Variants in OR10J1 observed in about 807,000 individuals in gnomAD.
The protein encoded by OR10J1 is olfactory receptor 10J1.
For missense variants in OR10J1, 474 were observed against 376.6 expected, an observed-to-expected ratio of 1.26 and a Z score of -2.14; for synonymous variants, 202 against 143.8, an observed-to-expected ratio of 1.40 and a Z score of -2.89.
At chr1:159,425,337 C>T in the OR10J1 span, among the ~76,000 whole-genome samples, 2 of 151,826 alleles carry the variant, frequency 1.3e-5, no homozygotes, top group Non-Finnish European at 2.9e-5. Flanking sequence ...ATGCAGCAGT[C>T]CTAAAGAACA....
chr1:159,415,377 T>C, the OR10J1 span, among the ~76,000 whole-genome samples: 1 of 152,282 alleles, frequency 6.6e-6, no homozygotes, highest in Non-Finnish European at 1.5e-5. Context: ...ATCAGTTGAC[T>C]GTGAATAAAT....
At chr1:159,406,402 G>A in the OR10J1 span, 9 of 395,682 alleles carry the variant, frequency 2.3e-5, no homozygotes, top group East Asian at 1.2e-4. Context: ...AATGGACAAC[G>A]GAAAGACAGA....
At chr1:159,431,761 A>G in the OR10J1 span, among the ~76,000 whole-genome samples, 5 of 152,318 alleles carry the variant, frequency 3.3e-5, no homozygotes, top group Non-Finnish European at 5.9e-5. Flanking sequence ...TCAACACTTC[A>G]TCATAAAATA....
chr1:159,434,616 G>A (rs994703154), upstream of OR10J1, among the ~76,000 whole-genome samples: 4 of 152,142 alleles, frequency 2.6e-5, no homozygotes, highest in Non-Finnish European at 5.9e-5. Flanking sequence ...ATTGTAGATA[G>A]AGTACAGGCT....
the OR10J1 span, among the ~76,000 whole-genome samples, chr1:159,401,152 A>T: frequency 6.6e-6 from 1 of 151,992 alleles, no homozygotes; most frequent in African/African-American, 2.4e-5. Flanking sequence ...CCAAAAAAAA[A>T]AGAGAAAAAA....
chr1:159,413,095 C>T, the OR10J1 span, among the ~76,000 whole-genome samples: 167 of 152,240 alleles, frequency 1.1e-3, 2 homozygotes, highest in African/African-American at 2.6e-3. Flanking sequence ...AAAATGCTCA[C>T]CATCACTGGC....
At chr1:159,419,247 AT>A in the OR10J1 span, among the ~76,000 whole-genome samples, 1 of 152,132 alleles carries the variant, frequency 6.6e-6, no homozygotes, top group Non-Finnish European at 1.5e-5. Flanking sequence ...GCAGAATGAT[AT>A]GGTTTGACTC....
chr1:159,408,805 G>A, the OR10J1 span, among the ~76,000 whole-genome samples: 5 of 152,008 alleles, frequency 3.3e-5, no homozygotes, highest in Admixed American at 6.6e-5. Flanking sequence ...GTAACATCCC[G>A]AAAAATTTTG....
the OR10J1 span, among the ~76,000 whole-genome samples, chr1:159,407,102 G>GA: frequency 3.3e-5 from 5 of 152,098 alleles, no homozygotes; most frequent in South Asian, 6.2e-4. Context: ...AACAGGTAGT[G>GA]AAAAAATGCA....
At chr1:159,411,672 T>C in the OR10J1 span, among the ~76,000 whole-genome samples, 3 of 152,172 alleles carry the variant, frequency 2.0e-5, no homozygotes, top group Non-Finnish European at 4.4e-5. Flanking sequence ...TCTGTGTCTG[T>C]TAATTGGAGC....
At chr1:159,427,968 A>G in the OR10J1 span, among the ~76,000 whole-genome samples, 1 of 152,200 alleles carries the variant, frequency 6.6e-6, no homozygotes, top group Non-Finnish European at 1.5e-5. Context: ...CAATGAATGC[A>G]GAAAAGAAAC....
chr1:159,440,254 G>T lies in OR10J1; in HGVS notation c.463G>T (p.Val155Leu), dbSNP rs1406803077. 6.2e-7 allele frequency: 1 copy of T among 1,614,120 alleles called. No homozygotes were observed. Among genetic ancestry groups the T allele is most frequent in the Non-Finnish European group, 8.5e-7 (1 of 1,180,008 alleles). Residue 155 changes from valine (V) to leucine (L), a missense_variant, in exon 1 of 1, where the codon GTA becomes TTA. Coordinates refer to ENST00000423932, the MANE Select transcript of OR10J1 (RefSeq NM_012351.3). Reference protein sequence around the residue: ...VLGACSIGLIVAITQVTSVFR... With the variant: ...VLGACSIGLILAITQVTSVFR... ...GGGGGCCTGCAGCATTGGGCTGATT[G>T]TAGCAATAACGCAAGTGACATCTGT...
chr1:159,405,799 G>A, the OR10J1 span: 4 of 1,354,900 alleles, frequency 3.0e-6, no homozygotes, highest in Non-Finnish European at 4.2e-6. Flanking sequence ...ATTGACAGTG[G>A]TGTCTGTGCA....
chr1:159,419,385 T>C, the OR10J1 span, among the ~76,000 whole-genome samples: 17 of 152,178 alleles, frequency 1.1e-4, no homozygotes, highest in African/African-American at 3.1e-4. Flanking sequence ...TGATAGTGAA[T>C]AAGTCTCATG....
chr1:159,408,747 C>T, the OR10J1 span, among the ~76,000 whole-genome samples: 1 of 152,016 alleles, frequency 6.6e-6, no homozygotes, highest in Non-Finnish European at 1.5e-5. Context: ...TATTGTGAGG[C>T]TCAAATGAGT....
At chr1:159,436,612 A>G (rs1262120315), upstream of OR10J1, among the ~76,000 whole-genome samples, 3 of 151,958 alleles carry the variant, frequency 2.0e-5, no homozygotes, top group Admixed American at 1.3e-4. Context: ...CTTTTTTTCA[A>G]CAAGGAAGGA....
chr1:159,415,837 GT>G, the OR10J1 span, among the ~76,000 whole-genome samples: 20 of 151,738 alleles, frequency 1.3e-4, 1 homozygote, highest in South Asian at 3.7e-3. Context: ...CTTTTCATTT[GT>G]TGTGTCCTCT....
chr1:159,413,756 G>T, the OR10J1 span, among the ~76,000 whole-genome samples: 1 of 150,770 alleles, frequency 6.6e-6, no homozygotes. Context: ...GAGTTAATGG[G>T]TGCAGCACAC....
Position 159,440,074 on chromosome 1 carries a change from G to A in OR10J1, c.283G>A (p.Ala95Thr). The A allele has an allele frequency of 6.2e-7, 1 of 1,614,072 alleles. No individual in the cohort carries two copies. Among genetic ancestry groups the A allele is most frequent in the Non-Finnish European group, 8.5e-7 (1 of 1,180,010 alleles). Residue 95 changes from alanine (A) to threonine (T), a missense_variant, in exon 1 of 1, where the codon GCA becomes ACA. By Grantham distance (58) the Ala-to-Thr change is moderately conservative. Coordinates refer to ENST00000423932, the MANE Select transcript of OR10J1 (RefSeq NM_012351.3). ...AGGTATGAGCCAGCCCATATCATTG[G>A]CAGGGTGTGCCACACAGATGTTCTT... ...LVGMSQPISL[A>T]GCATQMFFFV...
Sources: gnomAD v4.1 joint callset for allele counts (sites outside exome capture counted in the v4.1 genomes callset) on GRCh38, gnomAD v4.1.1 for gene constraint, MANE v1.5 for transcripts, NCBI Gene and HGNC (gene_info 2026-07-23, HGNC 2026-07-21) for gene names.